The following DTNA variants were observed in gnomAD, a reference collection of about 807,000 sequenced individuals.
DTNA encodes dystrobrevin alpha.
In DTNA, 43 loss-of-function variants were observed where a neutral mutation model predicts 100.7. The ratio of observed to expected loss-of-function variants is 0.43; its 90% confidence interval spans 0.33 to 0.55. DTNA has a LOEUF of 0.55. Ranked by LOEUF, DTNA falls within the 20% of genes least tolerant of loss-of-function variation. The probability of loss-of-function intolerance (pLI) is 0.04; values close to 1 mark genes in which losing one functional copy is unlikely to be tolerated. For synonymous variants in DTNA, 349 were observed against 347.9 expected, an observed-to-expected ratio of 1.00 and a Z score of -0.04; for missense variants, 798 against 953.9, an observed-to-expected ratio of 0.84 and a Z score of 2.15.
intron 1 of DTNA, among the ~76,000 whole-genome samples, chr18:34,550,178 AG>A (rs1448866145): frequency 1.3e-5 from 2 of 152,162 alleles, no homozygotes; most frequent in Non-Finnish European, 2.9e-5. Flanking sequence ...AAAATTTCAT[AG>A]AAAGGAATTT....
intron 16 of DTNA, among the ~76,000 whole-genome samples, chr18:34,858,874 G>T (rs148140611): frequency 3.9e-5 from 6 of 152,308 alleles, no homozygotes; most frequent in Non-Finnish European, 5.9e-5. Context: ...GCCTCCCAAA[G>T]TGCTGAGATT....
In DTNA at chr18:34,851,493, C is replaced by T. The variant is rs2096477702; in HGVS notation, c.1435-338C>T. 3.9e-5 allele frequency among the ~76,000 whole-genome samples: 6 copies of T among 152,202 alleles called. No individual in the cohort carries two copies. In the South Asian group the frequency reaches 1.2e-3, roughly 31 times the overall value. Reference sequence around the variant, plus strand: ...ACAGTGCAACATCTTTTAAAGCCACCTATAATGAAAGAATAGGTACAATGG... The same window carrying T: ...ACAGTGCAACATCTTTTAAAGCCACTTATAATGAAAGAATAGGTACAATGG... On this transcript the variant is annotated intron_variant, in intron 14 of 22. Coordinates refer to ENST00000444659, the MANE Select transcript of DTNA (RefSeq NM_001386795.1).
chr18:34,721,780 G>C (rs1017055762), intron 1 of DTNA, among the ~76,000 whole-genome samples: 12 of 151,768 alleles, frequency 7.9e-5, no homozygotes, highest in African/African-American at 2.9e-4. Flanking sequence ...GTTTGTCTTT[G>C]TACCACACAC....
At chr18:34,645,755 A>C (rs1478562961) in intron 1 of DTNA, among the ~76,000 whole-genome samples, 3 of 152,170 alleles carry the variant, frequency 2.0e-5, no homozygotes, top group Non-Finnish European at 2.9e-5. Flanking sequence ...CTGTAAGAGA[A>C]GAAAAAAAGT....
intron 1 of DTNA, among the ~76,000 whole-genome samples, chr18:34,572,412 C>T (rs2685555): frequency 0.092 from 13,989 of 152,150 alleles, 640 homozygotes; most frequent in South Asian, 0.11. Flanking sequence ...ACCAATTTTC[C>T]TAAGTGTTTT....
chr18:34,775,726 G>T (rs1233457599), intron 3 of DTNA, among the ~76,000 whole-genome samples: 3 of 152,192 alleles, frequency 2.0e-5, no homozygotes, highest in Non-Finnish European at 1.5e-5. Flanking sequence ...CAAATGTCTT[G>T]AAAGTATTTT....
intron 1 of DTNA, among the ~76,000 whole-genome samples, chr18:34,545,599 T>A (rs2044695584): frequency 6.6e-6 from 1 of 152,112 alleles, no homozygotes. Flanking sequence ...TGGTTAGTAG[T>A]GTATCTTTAT....
Position 34,827,638 on chromosome 18 carries a change from C to T in DTNA, c.1047C>T (p.His349=). 5.0e-6 allele frequency: 8 copies of T among 1,613,960 alleles called. No individual in the cohort carries two copies. The highest frequency in any genetic ancestry group is 5.9e-6 in the Non-Finnish European group (7 of 1,179,852). ...GCATGAACGACACCCTGTTCTCCCA[C>T]TCTGTTCCCTCCTCAGGAAGTCCTT... ...VTSMNDTLFS[H]SVPSSGSPFI... The change falls in exon 10 of 23, where the codon CAC becomes CAT. Residue 349 remains histidine, a synonymous_variant. Transcript: ENST00000444659.
chr18:34,745,447 T>C (rs1395957717), intron 1 of DTNA, among the ~76,000 whole-genome samples: 1 of 152,162 alleles, frequency 6.6e-6, no homozygotes, highest in Admixed American at 6.5e-5. Context: ...CTCTTTCTAA[T>C]ATCTTCAAAA....
At chr18:34,671,314 C>A (rs1397379975) in intron 1 of DTNA, among the ~76,000 whole-genome samples, 1 of 152,158 alleles carries the variant, frequency 6.6e-6, no homozygotes, top group Non-Finnish European at 1.5e-5. Context: ...ACCGATTTTC[C>A]AGGTGCTGTC....
Position 34,756,055 on chromosome 18 carries a change from T to A in DTNA, c.67+12T>A, listed in dbSNP as rs876657460. On this transcript the variant is annotated intron_variant, in intron 2 of 22. Coordinates refer to ENST00000444659, the MANE Select transcript of DTNA (RefSeq NM_001386795.1). ...GTTTGCAGAGATGAGTAAGTATGGA[T>A]CTTTTAAGGAACACCCTATAGTTTC... The A allele has an allele frequency of 1.9e-6, 3 of 1,611,754 alleles. No homozygotes were observed. Among genetic ancestry groups the A allele is most frequent in the Non-Finnish European group, 2.5e-6 (3 of 1,178,742 alleles).
chr18:34,650,268 A>G (rs1248313239), intron 1 of DTNA, among the ~76,000 whole-genome samples: 1 of 152,152 alleles, frequency 6.6e-6, no homozygotes, highest in Admixed American at 6.6e-5. Flanking sequence ...ATTTACTGCC[A>G]AAACACTAAA....
chr18:34,687,372 T>A (rs1245031271), intron 1 of DTNA, among the ~76,000 whole-genome samples: 1 of 152,212 alleles, frequency 6.6e-6, no homozygotes, highest in Non-Finnish European at 1.5e-5. Context: ...AAGAACATCT[T>A]TATTTCTGTC....
intron 6 of DTNA, among the ~76,000 whole-genome samples, chr18:34,813,889 T>C (rs2095540977): frequency 6.6e-6 from 1 of 151,956 alleles, no homozygotes. Flanking sequence ...CACAAATCTA[T>C]TTTTTCATTC....
chr18:34,620,065 A>G (rs893988491), intron 1 of DTNA, among the ~76,000 whole-genome samples: 2 of 152,218 alleles, frequency 1.3e-5, no homozygotes, highest in African/African-American at 4.8e-5. Flanking sequence ...ATTATACGAA[A>G]CAAACAAGAT....
chr18:34,777,791 C>T (rs2094132865), intron 3 of DTNA, among the ~76,000 whole-genome samples: 1 of 152,184 alleles, frequency 6.6e-6, no homozygotes, highest in Admixed American at 6.5e-5. Flanking sequence ...AATCGCCTCC[C>T]TCACTTGGCA....
chr18:34,757,580 T>C (rs1024181297), intron 2 of DTNA, among the ~76,000 whole-genome samples: 2 of 152,188 alleles, frequency 1.3e-5, no homozygotes, highest in Admixed American at 6.5e-5. Flanking sequence ...AGTTTAAGTA[T>C]CCCAGTGCTT....
intron 1 of DTNA, among the ~76,000 whole-genome samples, chr18:34,629,093 A>G (rs1413229586): frequency 6.6e-6 from 1 of 152,208 alleles, no homozygotes; most frequent in East Asian, 1.9e-4. Context: ...TATTTTAACA[A>G]TTAGAAGAAT....
At chr18:34,862,627 C>G (rs188290245) in intron 16 of DTNA, among the ~76,000 whole-genome samples, 1 of 151,768 alleles carries the variant, frequency 6.6e-6, no homozygotes, top group Non-Finnish European at 1.5e-5. Flanking sequence ...AGTGAGAAAC[C>G]ATCTCTTAAA....
Sources: gnomAD v4.1 joint callset for allele counts (sites outside exome capture counted in the v4.1 genomes callset) on GRCh38, gnomAD v4.1.1 for gene constraint, MANE v1.5 for transcripts, NCBI Gene and HGNC (gene_info 2026-07-23, HGNC 2026-07-21) for gene names.